The following ENAM variants were observed in gnomAD, a reference collection of about 807,000 sequenced individuals.
The protein encoded by ENAM is amelogenesis imperfecta 2, hypocalcification (autosomal dominant).
ENAM carries 21 observed loss-of-function variants against 33.6 expected under a neutral mutation model. The ratio of observed to expected loss-of-function variants is 0.63; its 90% confidence interval spans 0.44 to 0.90. ENAM has a LOEUF of 0.90. Among genes scored for constraint, ENAM ranks in the 40% least tolerant of loss-of-function variants. The pLI is 0.00. For synonymous variants in ENAM, 473 were observed against 468.4 expected (o/e 1.01, Z -0.13); for missense variants, 1,388 against 1,366.9 (o/e 1.02, Z -0.24).
chr4:70,637,105 C>A (rs978290261), intron 7 of ENAM, among the ~76,000 whole-genome samples: 1 of 152,164 alleles, frequency 6.6e-6, no homozygotes, highest in Admixed American at 6.5e-5. Context: ...AAAAGAGTGA[C>A]TTCCTTTTAC....
chr4:70,644,874 T>C lies in ENAM; in HGVS notation c.*19T>C, dbSNP rs900038337. ...GGCCTAGGGGTTATCCAACCAAGCATTCTTGGGGAAAGAGAAATCACTGAC... is the reference window on the plus strand; with the variant it reads ...GGCCTAGGGGTTATCCAACCAAGCACTCTTGGGGAAAGAGAAATCACTGAC... On this transcript the variant is annotated 3_prime_UTR_variant, in exon 9 of 9. Transcript: ENST00000396073. 1 of 1,605,670 alleles carries C rather than the reference T, an allele frequency of 6.2e-7. No individual in the cohort carries two copies. Among genetic ancestry groups the C allele is most frequent in the African/African-American group, 1.3e-5 (1 of 74,730 alleles).
At chr4:70,630,325 T>C (rs1010848790) in intron 2 of ENAM, among the ~76,000 whole-genome samples, 1 of 152,158 alleles carries the variant, frequency 6.6e-6, no homozygotes, top group Non-Finnish European at 1.5e-5. Flanking sequence ...TTATGCTAGA[T>C]AGATTTTATG....
At position 70,642,179 on chromosome 4, in the gene ENAM, G is replaced by T; in HGVS notation, c.753G>T (p.Thr251=). ...EPTANSTVTE[T]NSTQPNPKGS... ...CAGCTAATTCAACAGTCACTGAGACGAATTCTACCCAACCAAATCCTAAAG... is the reference window on the plus strand; with the variant it reads ...CAGCTAATTCAACAGTCACTGAGACTAATTCTACCCAACCAAATCCTAAAG... The change falls in exon 9 of 9, where the codon ACG becomes ACT. Residue 251 remains threonine, a synonymous_variant. Coordinates refer to ENST00000396073, the MANE Select transcript of ENAM (RefSeq NM_031889.3). 6.2e-7 allele frequency: 1 copy of T among 1,614,060 alleles called. No individual in the cohort carries two copies. The highest frequency in any genetic ancestry group is 8.5e-7 in the Non-Finnish European group (1 of 1,180,006).
In ENAM at chr4:70,642,025, T is replaced by G. The variant is rs770908997; in HGVS notation, c.599T>G (p.Phe200Cys). Residue 200 changes from phenylalanine (F) to cysteine (C), a missense_variant, in exon 9 of 9, where the codon TTT (phenylalanine) becomes TGT (cysteine). Physicochemically the swap from Phe to Cys is radical, Grantham distance 205. Coordinates refer to ENST00000396073, the MANE Select transcript of ENAM (RefSeq NM_031889.3). Reference sequence around the variant, plus strand: ...TTTTCTTTCCTACAGAATCCTTACTTTGGATATTTTGGATATCATGGCTTT... The same window carrying G: ...TTTTCTTTCCTACAGAATCCTTACTGTGGATATTTTGGATATCATGGCTTT... ...ISNEEGGNPY[F>C]GYFGYHGFGG... 3 of 1,612,134 alleles carry G rather than the reference T, an allele frequency of 1.9e-6. No individual in the cohort carries two copies. Among genetic ancestry groups the G allele is most frequent in the South Asian group, 1.1e-5 (1 of 91,044 alleles).
Position 70,629,555 on chromosome 4 carries a change from G to A in ENAM, c.54+1G>A, listed in dbSNP as rs1250665872. 3 of 1,610,490 alleles carry A rather than the reference G, an allele frequency of 1.9e-6. No individual in the cohort carries two copies. The highest frequency in any genetic ancestry group is 8.5e-7 in the Non-Finnish European group (1 of 1,176,928). ...CTCTTTTCCTAAACTAGATAACTTG[G>A]TGAGTACTTTCATTTATTTTTGCCA... On this transcript the variant is annotated splice_donor_variant, in intron 2 of 8. Coordinates refer to ENST00000396073, the MANE Select transcript of ENAM (RefSeq NM_031889.3). LOFTEE classifies it high-confidence loss of function.
intron 7 of ENAM, 45 bp from the exon 8 acceptor site, chr4:70,637,745 C>G (rs768112277): frequency 6.8e-7 from 1 of 1,475,904 alleles, no homozygotes; most frequent in Non-Finnish European, 9.5e-7. Flanking sequence ...ATGGCGGCAT[C>G]GAACGTGGTT....
At chr4:70,635,078 G>A (rs1326943770) in intron 6 of ENAM, among the ~76,000 whole-genome samples, 3 of 152,062 alleles carry the variant, frequency 2.0e-5, no homozygotes, top group African/African-American at 2.4e-5. Flanking sequence ...AGGGAGCTTC[G>A]AAAATACTGG....
rs1440389414 is a variant in ENAM at position 70,642,041 on chromosome 4, T to C, written c.615T>C (p.Tyr205=). 1.2e-6 allele frequency: 2 copies of C among 1,613,818 alleles called. No individual in the cohort carries two copies. The highest frequency in any genetic ancestry group is 2.2e-5 in the South Asian group (2 of 91,076). The change falls in exon 9 of 9, where the codon TAT becomes TAC. Residue 205 remains tyrosine, a synonymous_variant. Transcript: ENST00000396073. ...ATCCTTACTTTGGATATTTTGGATA[T>C]CATGGCTTTGGGGGTCGCCCTCCTT... ...GGNPYFGYFG[Y]HGFGGRPPYY... is the part of the protein sequence containing the mutation.
chr4:70,633,315 T>C (rs1043023298), intron 5 of ENAM, among the ~76,000 whole-genome samples: 3 of 152,158 alleles, frequency 2.0e-5, no homozygotes, highest in Admixed American at 6.5e-5. Context: ...TAACCCTTTT[T>C]ATCCAAGTCA....
rs1185322123 is a variant in ENAM at position 70,631,711 on chromosome 4, G to C, written c.96G>C (p.Gly32=). 4 of 1,613,498 alleles carry C rather than the reference G, an allele frequency of 2.5e-6. No individual in the cohort carries two copies. The highest frequency in any genetic ancestry group is 1.1e-5 in the South Asian group (1 of 91,078). Reference sequence around the variant, plus strand: ...TGAAGATTCTCCTGGTCTTTCTAGGGCTTCTTGGTAATTCTGTTGCTATGC... The same window carrying C: ...TGAAGATTCTCCTGGTCTTTCTAGGCCTTCTTGGTAATTCTGTTGCTATGC... The part of the protein sequence containing the change: ...GKMKILLVFL[G]LLGNSVAMPM... The change falls in exon 3 of 9, where the codon GGG becomes GGC. Residue 32 remains glycine (G), a synonymous_variant. Transcript: ENST00000396073.
chr4:70,631,656 AT>A lies in ENAM; in HGVS notation c.55-8del. On this transcript the variant is annotated splice_polypyrimidine_tract_variant and intron_variant, in intron 2 of 8. Coordinates refer to ENST00000396073, the MANE Select transcript of ENAM (RefSeq NM_031889.3). ...TTTCACAGACCAAAAATAAAAATCA[AT>A]TTTTTATTCTAGGTACCAAAAGGCA... 1 of 1,592,906 alleles carries A rather than the reference AT, an allele frequency of 6.3e-7. No homozygotes were observed.
chr4:70,644,389 A>G lies in ENAM; in HGVS notation c.2963A>G (p.Asn988Ser), dbSNP rs1225932235. 3.7e-6 allele frequency: 6 copies of G among 1,614,216 alleles called. No individual in the cohort carries two copies. The highest frequency in any genetic ancestry group is 5.1e-6 in the Non-Finnish European group (6 of 1,180,026). The change falls in exon 9 of 9, where the codon AAT becomes AGT. Residue 988 changes from asparagine to serine, a missense_variant. Coordinates refer to ENST00000396073, the MANE Select transcript of ENAM (RefSeq NM_031889.3). ...TCAAAGAATACACCTTGTCTCAAAA[A>G]TGATCTTGGAGGAGATGGGAACAAC... is the stretch of plus-strand genomic sequence containing the variant. ...LQSKNTPCLKNDLGGDGNNIL... is the reference protein window; with the variant it reads ...LQSKNTPCLKSDLGGDGNNIL...
chr4:70,637,294 A>G (rs1738475571), intron 7 of ENAM, among the ~76,000 whole-genome samples: 1 of 152,240 alleles, frequency 6.6e-6, no homozygotes, highest in Non-Finnish European at 1.5e-5. Flanking sequence ...ATATCATAGT[A>G]ATAATTCAAG....
At chr4:70,633,915 AT>A (rs1738385033) in intron 5 of ENAM, among the ~76,000 whole-genome samples, 1 of 150,270 alleles carries the variant, frequency 6.7e-6, no homozygotes, top group African/African-American at 2.4e-5. Flanking sequence ...CCTTTATCTT[AT>A]TTTTGTTTTT....
At position 70,628,937 on chromosome 4, in the gene ENAM, A is replaced by C. The variant is rs1176149761; in HGVS notation, c.-88A>C. The C allele has an allele frequency of 6.6e-6, 1 of 152,646 alleles. No homozygotes were observed. The highest frequency in any genetic ancestry group is 1.5e-5 in the Non-Finnish European group (1 of 68,358). The allele number at this position is 152,646 out of a possible 1,614,324, so 9.5% of individuals were successfully genotyped here. A position where few individuals can be genotyped will look rare whatever the true frequency, so the allele number is the denominator to read the frequency against. ...AAAGTTCAAGTAAAAATTATTTTTT[A>C]TATATTACAGCTTCTAATTGGCATT... is the stretch of plus-strand genomic sequence containing the variant. On this transcript the variant is annotated 5_prime_UTR_variant, in exon 1 of 9. Transcript: ENST00000396073.
Position 70,645,144 on chromosome 4 carries a change from C to A in ENAM, c.*289C>A. On this transcript the variant is annotated 3_prime_UTR_variant, in exon 9 of 9. Coordinates refer to ENST00000396073, the MANE Select transcript of ENAM (RefSeq NM_031889.3). ...CAAGTCACTTGTCTGAGTTAGTTTCCTTTTGCTTGATGACTTCTTTTGCTC... is the reference window on the plus strand; with the variant it reads ...CAAGTCACTTGTCTGAGTTAGTTTCATTTTGCTTGATGACTTCTTTTGCTC... 1 of 550,920 alleles carries A rather than the reference C, an allele frequency of 1.8e-6. No individual in the cohort carries two copies. Among genetic ancestry groups the A allele is most frequent in the Non-Finnish European group, 3.2e-6 (1 of 309,822 alleles). 34.1% of individuals were successfully genotyped at this position (550,920 alleles called of 1,614,324 possible).
intron 2 of ENAM, 130 bp from the exon 3 acceptor site, chr4:70,631,540 T>C: frequency 1.4e-6 from 1 of 723,284 alleles, no homozygotes; most frequent in South Asian, 1.6e-5. Flanking sequence ...AAAATAAAAC[T>C]GGCAGCAGGG....
At position 70,643,938 on chromosome 4, in the gene ENAM, A is replaced by G; in HGVS notation, c.2512A>G (p.Met838Val). The change falls in exon 9 of 9, where the codon ATG becomes GTG. Residue 838 changes from methionine to valine, a missense_variant. Met to Val is a conservative substitution (Grantham distance 21). Transcript: ENST00000396073. ...NLNYGMQITR[M>V]NSPEREHSSF... ...GAACTATGGCATGCAAATAACTAGG[A>G]TGAATTCTCCAGAGAGAGAACATTC... The G allele has an allele frequency of 6.2e-7, 1 of 1,614,182 alleles. No homozygotes were observed. The highest frequency in any genetic ancestry group is 8.5e-7 in the Non-Finnish European group (1 of 1,180,010).
At chr4:70,630,612 C>T (rs1050384406) in intron 2 of ENAM, among the ~76,000 whole-genome samples, 3 of 152,096 alleles carry the variant, frequency 2.0e-5, no homozygotes, top group Admixed American at 6.6e-5. Context: ...GAATGAACCC[C>T]GTTAAAAACA....
Sources: allele counts gnomAD v4.1 joint callset (sites outside exome capture counted in the v4.1 genomes callset), GRCh38; gene constraint gnomAD v4.1.1; transcripts MANE v1.5; gene names NCBI Gene and HGNC (gene_info 2026-07-23, HGNC 2026-07-21).